The following VMP1 variants were observed in gnomAD, a reference collection of about 807,000 sequenced individuals.
VMP1 encodes vacuole membrane protein 1.
VMP1 carries 11 observed loss-of-function variants against 56.0 expected under a neutral mutation model. The observed-to-expected ratio is 0.20, with a 90% CI of 0.12 to 0.32. The LOEUF is 0.32. VMP1 is among the 10% of genes least tolerant of loss of function. The pLI is 1.00. For missense variants in VMP1, 296 were observed against 490.3 expected, an observed-to-expected ratio of 0.60 and a Z score of 3.74; for synonymous variants, 149 against 165.0, an observed-to-expected ratio of 0.90 and a Z score of 0.74.
At chr17:59,795,694 A>C (rs539846392) in intron 7 of VMP1, among the ~76,000 whole-genome samples, 1 of 152,036 alleles carries the variant, frequency 6.6e-6, no homozygotes, top group South Asian at 2.1e-4. Context: ...TTTAAAACAA[A>C]ACAAAAATCT....
At chr17:59,791,506 T>C (rs1200932295) in intron 7 of VMP1, among the ~76,000 whole-genome samples, 1 of 149,258 alleles carries the variant, frequency 6.7e-6, no homozygotes, top group Non-Finnish European at 1.5e-5. Context: ...TTTTTTTTTT[T>C]TTTGAGACAG....
rs1219789019 is a variant in VMP1 at position 59,793,604 on chromosome 17, G to A, written c.715-15192G>A. ...TTACCATGTTTGTGCGTGTGTGCACGCGTGCGCATGTGTGTGTGTGTTTAT... is the reference window on the plus strand; with the variant it reads ...TTACCATGTTTGTGCGTGTGTGCACACGTGCGCATGTGTGTGTGTGTTTAT... On this transcript the variant is annotated intron_variant, in intron 7 of 11. Transcript: ENST00000262291. 2.6e-5 allele frequency among the ~76,000 whole-genome samples: 3 copies of A among 115,620 alleles called. 1 individual carries two copies. The highest frequency in any genetic ancestry group is 4.3e-5 in the Non-Finnish European group (2 of 46,596). The allele number at this position is 115,620 out of a possible 152,430, so 75.9% of individuals were successfully genotyped here. A position where few individuals can be genotyped will look rare whatever the true frequency, so the allele number is the denominator to read the frequency against.
intron 6 of VMP1, among the ~76,000 whole-genome samples, chr17:59,769,808 T>A (rs1435743271): frequency 6.6e-6 from 1 of 152,198 alleles, no homozygotes. Flanking sequence ...TTATGTTTTG[T>A]TTTGAATATA....
chr17:59,818,551 G>T (rs987665502), intron 10 of VMP1, among the ~76,000 whole-genome samples: 2 of 151,930 alleles, frequency 1.3e-5, no homozygotes, highest in East Asian at 3.9e-4. Flanking sequence ...CAGGCGGATC[G>T]CCTGAGGTTG....
At chr17:59,750,453 C>T (rs1480744339) in intron 5 of VMP1, among the ~76,000 whole-genome samples, 5 of 152,076 alleles carry the variant, frequency 3.3e-5, no homozygotes, top group African/African-American at 1.2e-4. Context: ...AGGTGTCCAC[C>T]ACCACACCCG....
chr17:59,726,133 T>C (rs2034591966), intron 1 of VMP1, among the ~76,000 whole-genome samples: 1 of 152,196 alleles, frequency 6.6e-6, no homozygotes, highest in Admixed American at 6.5e-5. Context: ...TAGAGATGAA[T>C]GGCTGGCTTT....
chr17:59,823,447 CAAAAA>C (rs71145578), intron 10 of VMP1, among the ~76,000 whole-genome samples: 1 of 122,216 alleles, frequency 8.2e-6, no homozygotes, highest in East Asian at 2.5e-4. Context: ...AGATATGTCT[CAAAAA>C]AAAAAAAAAA....
intron 9 of VMP1, among the ~76,000 whole-genome samples, chr17:59,815,855 C>A (rs112011653): frequency 4.3e-3 from 451 of 106,112 alleles, no homozygotes; most frequent in African/African-American, 8.7e-3. Context: ...GACTCCGTCT[C>A]AAAAAAAAAA....
At position 59,840,063 on chromosome 17, in the gene VMP1, G is replaced by C. The variant is rs916080723; in HGVS notation, c.*152G>C. 2.1e-6 allele frequency: 2 copies of C among 945,854 alleles called. No homozygotes were observed. Among genetic ancestry groups the C allele is most frequent in the South Asian group, 1.7e-5 (1 of 58,220 alleles). 58.6% of individuals were successfully genotyped at this position (945,854 alleles called of 1,614,324 possible). A position where few individuals can be genotyped will look rare whatever the true frequency, so the allele number is the denominator to read the frequency against. ...AGCAGTTTAGTCCATACTTTGCACT[G>C]ACATACTTTTTCCTTCTGTGCTAAG... On this transcript the variant is annotated 3_prime_UTR_variant, in exon 12 of 12. Coordinates refer to ENST00000262291, the MANE Select transcript of VMP1 (RefSeq NM_030938.5).
intron 1 of VMP1, among the ~76,000 whole-genome samples, chr17:59,714,175 A>C (rs1304951812): frequency 6.6e-6 from 1 of 152,116 alleles, no homozygotes; most frequent in Non-Finnish European, 1.5e-5. Flanking sequence ...TGAAAAGTTC[A>C]AGATCGAGTG....
intron 5 of VMP1, among the ~76,000 whole-genome samples, chr17:59,741,621 G>T (rs184855023): frequency 1.2e-4 from 18 of 152,258 alleles, no homozygotes; most frequent in Admixed American, 7.2e-4. Flanking sequence ...TATATTTTAT[G>T]TGTATTTAAG....
intron 7 of VMP1, among the ~76,000 whole-genome samples, chr17:59,802,157 G>A (rs564260091): frequency 8.5e-5 from 13 of 152,076 alleles, no homozygotes; most frequent in African/African-American, 1.4e-4. Flanking sequence ...GCCAAGTCAC[G>A]CCACTGCACT....
chr17:59,824,251 CA>C (rs532688168), intron 10 of VMP1, among the ~76,000 whole-genome samples: 18,169 of 115,786 alleles, frequency 0.16, 1,334 homozygotes, highest in Middle Eastern at 0.28. Context: ...ACTCTGTCTC[CA>C]AAAAAAAAAA....
chr17:59,718,510 T>TTTTCC (rs1309296179), intron 1 of VMP1, among the ~76,000 whole-genome samples: 1 of 151,294 alleles, frequency 6.6e-6, no homozygotes, highest in Non-Finnish European at 1.5e-5. Flanking sequence ...CTTTCTTTTC[T>TTTTCC]TTTCCTTTCT....
At chr17:59,778,526 G>A (rs559335357) in intron 7 of VMP1, among the ~76,000 whole-genome samples, 1 of 145,814 alleles carries the variant, frequency 6.9e-6, no homozygotes, top group East Asian at 2.0e-4. Context: ...CTGGGTGAGA[G>A]CGAGACTCTG....
chr17:59,769,837 TG>T lies in VMP1; in HGVS notation c.583-3916del, dbSNP rs2036362833. Reference sequence around the variant, plus strand: ...GAATATAAACAAATGTAAAGAATTTTGTATCTTATACAAATATATATTTGAA... The same window carrying T: ...GAATATAAACAAATGTAAAGAATTTTTATCTTATACAAATATATATTTGAA... On this transcript the variant is annotated intron_variant, in intron 6 of 11. Coordinates refer to ENST00000262291, the MANE Select transcript of VMP1 (RefSeq NM_030938.5). Among the ~76,000 whole-genome samples the T allele has an allele frequency of 2.6e-5, 4 of 152,334 alleles. No individual in the cohort carries two copies. The South Asian group carries it at 8.3e-4, about 32-fold the overall frequency.
chr17:59,732,803 A>G (rs550441540), intron 2 of VMP1, among the ~76,000 whole-genome samples: 63 of 152,294 alleles, frequency 4.1e-4, no homozygotes, highest in Admixed American at 2.4e-3. Context: ...TAACATTAGC[A>G]TGTCAAACTT....
chr17:59,794,578 CAG>C lies in VMP1; in HGVS notation c.715-14215_715-14214del, dbSNP rs1429944877. On this transcript the variant is annotated intron_variant, in intron 7 of 11. Transcript: ENST00000262291. The stretch of plus-strand genomic sequence containing the variant: ...ACGAAAATCTAAGTAGGGAGAGAGA[CAG>C]AGGGAAAGGAAGCTGCAGATACTGG... 3.6e-5 allele frequency among the ~76,000 whole-genome samples: 4 copies of C among 110,208 alleles called. 1 individual carries two copies. Among genetic ancestry groups the C allele is most frequent in the East Asian group, 6.1e-4 (2 of 3,302 alleles). 72.3% of individuals were successfully genotyped at this position (110,208 alleles called of 152,430 possible).
intron 6 of VMP1, among the ~76,000 whole-genome samples, chr17:59,765,521 G>A (rs1446746317): frequency 5.9e-5 from 9 of 152,214 alleles, no homozygotes; most frequent in Middle Eastern, 3.4e-3. Flanking sequence ...ACTGTTGAAC[G>A]GAAGCCTTAA....
Sources: allele counts gnomAD v4.1 joint callset (sites outside exome capture counted in the v4.1 genomes callset), GRCh38; gene constraint gnomAD v4.1.1; transcripts MANE v1.5; gene names NCBI Gene and HGNC (gene_info 2026-07-23, HGNC 2026-07-21).